The following NLE1 variants were observed in gnomAD, a reference collection of about 807,000 sequenced individuals.
NLE1 encodes notchless protein homolog 1.
In NLE1, 37 loss-of-function variants were observed where a neutral mutation model predicts 62.8. The observed-to-expected ratio is 0.59, with a 90% confidence interval of 0.45 to 0.78. The LOEUF is 0.78. NLE1 is among the 30% of genes least tolerant of loss of function. The pLI, the probability that NLE1 is intolerant of heterozygous loss-of-function variation, is 0.00. For missense variants in NLE1, 555 were observed against 637.9 expected (o/e 0.87, Z 1.40); for synonymous variants, 243 against 253.0 (o/e 0.96, Z 0.37).
intron 9 of NLE1, 39 bp downstream of exon 9, chr17:35,136,130 G>C (rs1246659689): frequency 1.2e-6 from 2 of 1,610,072 alleles, no homozygotes; most frequent in African/African-American, 1.3e-5. Flanking sequence ...CTAAGGACTG[G>C]TACAGAGCTA....
rs1245465988 is a variant in NLE1, at chr17:35,135,012, G to A, written c.1214+237C>T. Reference sequence around the variant, plus strand: ...GGTTGTAATGAGCCAAGATCGTGCCGCTGCACTCGAGCCACTTGAACACCA... The same window carrying A: ...GGTTGTAATGAGCCAAGATCGTGCCACTGCACTCGAGCCACTTGAACACCA... On this transcript the variant is annotated intron_variant, in intron 10 of 12. Transcript: ENST00000442241. 19 of 611,592 alleles carry A rather than the reference G, an allele frequency of 3.1e-5. No individual in the cohort carries two copies. In the East Asian group the frequency reaches 3.5e-4, roughly 11 times the overall value. 37.9% of individuals were successfully genotyped at this position (611,592 alleles called of 1,614,324 possible). A position where few individuals can be genotyped will look rare whatever the true frequency, so the allele number is the denominator to read the frequency against.
chr17:35,139,171 C>A, intron 4 of NLE1, 64 bp downstream of exon 4: 1 of 1,424,888 alleles, frequency 7.0e-7, no homozygotes, highest in South Asian at 1.2e-5. Flanking sequence ...CCATCCTGGT[C>A]AACAGAGCAA....
chr17:35,137,488 G>A (rs941246995), intron 6 of NLE1, 55 bp downstream of exon 6: 34 of 1,424,154 alleles, frequency 2.4e-5, no homozygotes, highest in Non-Finnish European at 3.0e-5. Context: ...GGCAGGGAAA[G>A]GGGATGGCTT....
chr17:35,141,552 C>CAA (rs549704502), intron 2 of NLE1, among the ~76,000 whole-genome samples: 27,280 of 83,160 alleles, frequency 0.33, 3,920 homozygotes, highest in Middle Eastern at 0.39. Flanking sequence ...GACTCCGTCT[C>CAA]AAAAAAAAAA....
intron 5 of NLE1, 57 bp downstream of exon 5, chr17:35,137,757 C>G (rs1406703122): frequency 1.2e-6 from 1 of 810,914 alleles, no homozygotes; most frequent in African/African-American, 1.8e-5. Flanking sequence ...TGATTCTGAA[C>G]TGTCTCCTAG....
At position 35,137,451 on chromosome 17, in the gene NLE1, C is replaced by T. The variant is rs1303928958; in HGVS notation, c.635+92G>A. The T allele has an allele frequency of 1.1e-5, 12 of 1,082,916 alleles. No homozygotes were observed. The South Asian group carries it at 1.5e-4, about 14-fold the overall frequency. The allele number at this position is 1,082,916 out of a possible 1,614,324, so 67.1% of individuals were successfully genotyped here. ...CGGTCATTCAGGCTGCCCATCTTGTCCCCTCACGTAAAACTTCTATGCATT... is the reference window on the plus strand; with the variant it reads ...CGGTCATTCAGGCTGCCCATCTTGTTCCCTCACGTAAAACTTCTATGCATT... On this transcript the variant is annotated intron_variant, in intron 6 of 12. Transcript: ENST00000442241.
At position 35,137,850 on chromosome 17, in the gene NLE1, A is replaced by G. The variant is rs770729827; in HGVS notation, c.501T>C (p.Asp167=). Residue 167 remains aspartate, a synonymous_variant, in exon 5 of 13, where the codon GAT becomes GAC. Coordinates refer to ENST00000442241, the MANE Select transcript of NLE1 (RefSeq NM_018096.5). ...HWVLSISWSP[D]GRKLASGCKN... ...TGCAGCCTGAGGCCAGCTTCCTGCC[A>G]TCTGGAGACCAGGATATACTAAGGA... 1.2e-6 allele frequency: 2 copies of G among 1,613,558 alleles called. No individual in the cohort carries two copies. Among genetic ancestry groups the G allele is most frequent in the Non-Finnish European group, 8.5e-7 (1 of 1,179,730 alleles).
chr17:35,137,256 T>G, intron 6 of NLE1, 63 bp from the exon 7 acceptor site: 5 of 1,423,322 alleles, frequency 3.5e-6, no homozygotes, highest in Non-Finnish European at 4.8e-6. Flanking sequence ...CCATGGCACC[T>G]CCCCATTCCC....
chr17:35,140,097 A>C (rs1411063839), intron 2 of NLE1, 31 bp from the exon 3 acceptor site: 3 of 1,605,288 alleles, frequency 1.9e-6, no homozygotes, highest in Non-Finnish European at 2.6e-6. Flanking sequence ...ACAAACCCGC[A>C]ACAATGGATG....
rs568450551 is a variant in NLE1, at chr17:35,138,017, G to A, written c.461-127C>T. Reference sequence around the variant, plus strand: ...AAATGAATGATTGAACAAAAGGAGCGATGAGGCTTTCTGGGGATGGATAGA... The same window carrying A: ...AAATGAATGATTGAACAAAAGGAGCAATGAGGCTTTCTGGGGATGGATAGA... On this transcript the variant is annotated intron_variant, in intron 4 of 12. Transcript: ENST00000442241. The A allele has an allele frequency of 2.4e-4, 164 of 670,080 alleles. 1 individual carries two copies. The highest frequency in any genetic ancestry group is 1.8e-3 in the South Asian group (92 of 52,550). The allele number at this position is 670,080 out of a possible 1,614,324, so 41.5% of individuals were successfully genotyped here.
chr17:35,133,487 G>T lies in NLE1; in HGVS notation c.1226C>A (p.Ser409Tyr). 6 of 1,612,024 alleles carry T rather than the reference G, an allele frequency of 3.7e-6. No homozygotes were observed. The highest frequency in any genetic ancestry group is 5.1e-6 in the Non-Finnish European group (6 of 1,179,418). Residue 409 changes from serine (S) to tyrosine (Y), a missense_variant, in exon 11 of 13, where the codon TCC becomes TAC. By Grantham distance (144) the Ser-to-Tyr change is moderately radical. Transcript: ENST00000442241. ...WDGRTGKYLA[S>Y]LRGHVAAVYQ... Reference sequence around the variant, plus strand: ...CACGGCAGCCACGTGGCCGCGTAGGGAAGCCAGGTACCTGGTCCAGGAGAA... The same window carrying T: ...CACGGCAGCCACGTGGCCGCGTAGGTAAGCCAGGTACCTGGTCCAGGAGAA...
intron 9 of NLE1, among the ~76,000 whole-genome samples, 187 bp from the exon 10 acceptor site, chr17:35,135,638 A>G (rs534557190): frequency 6.6e-6 from 1 of 152,218 alleles, no homozygotes; most frequent in South Asian, 2.1e-4. Context: ...ACTTCATCCA[A>G]AAGGAAAAAG....
At position 35,142,155 on chromosome 17, in the gene NLE1, G is replaced by C. The variant is rs2091948405; in HGVS notation, c.19-33C>G. 1.9e-6 allele frequency: 3 copies of C among 1,607,478 alleles called. No individual in the cohort carries two copies. In the African/African-American group the frequency reaches 4.0e-5, roughly 21 times the overall value. ...AGCAAGTGGGGCGGGAGTCAGTCTG[G>C]TCGCCCGCCCAGAAGGGCCCCACTT... On this transcript the variant is annotated intron_variant, in intron 1 of 12. Coordinates refer to ENST00000442241, the MANE Select transcript of NLE1 (RefSeq NM_018096.5).
At position 35,139,928 on chromosome 17, in the gene NLE1, G is replaced by C; in HGVS notation, c.301C>G (p.Arg101Gly). Reference sequence around the variant, plus strand: ...GAGCTGGTGCAGCGAGTCACAGCCCGGACTCTGAAGATAGCCTGTGGCTGG... The same window carrying C: ...GAGCTGGTGCAGCGAGTCACAGCCCCGACTCTGAAGATAGCCTGTGGCTGG... Reference protein sequence around the residue: ...IYQPQAIFRVRAVTRCTSSLE... With the variant: ...IYQPQAIFRVGAVTRCTSSLE... Residue 101 changes from arginine to glycine, a missense_variant, in exon 3 of 13, where the codon CGG (arginine) becomes GGG (glycine). By Grantham distance (125) the Arg-to-Gly change is moderately radical. Transcript: ENST00000442241. 2.5e-6 allele frequency: 4 copies of C among 1,614,100 alleles called. No homozygotes were observed. In the Middle Eastern group the frequency reaches 5.0e-4, roughly 201 times the overall value.
At chr17:35,133,540 C>T in intron 10 of NLE1, 42 bp from the exon 11 acceptor site, 1 of 1,557,414 alleles carries the variant, frequency 6.4e-7, no homozygotes, top group Non-Finnish European at 8.7e-7. Flanking sequence ...GTCTGAGTTA[C>T]ATCTTTCAAC....
intron 10 of NLE1, among the ~76,000 whole-genome samples, chr17:35,134,623 C>A (rs968192142): frequency 6.6e-6 from 1 of 152,178 alleles, no homozygotes; most frequent in Admixed American, 6.5e-5. Context: ...TAGTCTCGAA[C>A]TCCTGAACTC....
chr17:35,137,585 T>G lies in NLE1; in HGVS notation c.593A>C (p.His198Pro), dbSNP rs2091917037. ...GCTCAGGCCTGTGATCCACTTGCTGTGGCCAGCGAGGGTCCTGCCCACCTG... is the reference window on the plus strand; with the variant it reads ...GCTCAGGCCTGTGATCCACTTGCTGGGGCCAGCGAGGGTCCTGCCCACCTG... ...GKQVGRTLAG[H>P]SKWITGLSWE... Residue 198 changes from histidine to proline, a missense_variant, in exon 6 of 13, where the codon CAC (histidine) becomes CCC (proline). By Grantham distance (77) the His-to-Pro change is moderately conservative. Coordinates refer to ENST00000442241, the MANE Select transcript of NLE1 (RefSeq NM_018096.5). 6.2e-7 allele frequency: 1 copy of G among 1,610,610 alleles called. No individual in the cohort carries two copies. Among genetic ancestry groups the G allele is most frequent in the Non-Finnish European group, 8.5e-7 (1 of 1,180,000 alleles).
At position 35,137,754 on chromosome 17, in the gene NLE1, G is replaced by A. The variant is rs367850987; in HGVS notation, c.537+60C>T. 207 of 922,250 alleles carry A rather than the reference G, an allele frequency of 2.2e-4. No individual in the cohort carries two copies. In the African/African-American group the frequency reaches 3.2e-3, roughly 14 times the overall value. The allele number at this position is 922,250 out of a possible 1,614,324, so 57.1% of individuals were successfully genotyped here. A position where few individuals can be genotyped will look rare whatever the true frequency, so the allele number is the denominator to read the frequency against. On this transcript the variant is annotated intron_variant, in intron 5 of 12. Transcript: ENST00000442241. ...CCCAAAGACTCCTGAACCTGATTCT[G>A]AACTGTCTCCTAGGAAGGCCCCCTT...
rs147564941 is a variant in NLE1 at position 35,137,180 on chromosome 17, G to T, written c.649C>A (p.Arg217Ser). ...TCCTTGGAGCTGCTGGCCACATAGC[G>T]GCACTCAGGGTTCCTGGAGAGAAGG... ...WEPLHANPEC[R>S]YVASSSKDGS... Residue 217 changes from arginine to serine, a missense_variant, in exon 7 of 13, where the codon CGC (arginine) becomes AGC (serine). Coordinates refer to ENST00000442241, the MANE Select transcript of NLE1 (RefSeq NM_018096.5). 266 of 1,607,608 alleles carry T rather than the reference G, an allele frequency of 1.7e-4. No homozygotes were observed. Among genetic ancestry groups the T allele is most frequent in the Non-Finnish European group, 2.1e-4 (252 of 1,175,064 alleles).
Sources: gnomAD v4.1 joint callset for allele counts (sites outside exome capture counted in the v4.1 genomes callset) on GRCh38, gnomAD v4.1.1 for gene constraint, MANE v1.5 for transcripts, NCBI Gene and HGNC (gene_info 2026-07-23, HGNC 2026-07-21) for gene names.